Variants in ORC4 observed in about 807,000 individuals in gnomAD.
ORC4 encodes the protein origin recognition complex, subunit 4 homolog.
ORC4 carries 55 observed loss-of-function variants against 63.9 expected under a neutral mutation model. The observed-to-expected ratio is 0.86, with a 90% CI of 0.69 to 1.08. ORC4 has a LOEUF of 1.08. Among genes scored for constraint, ORC4 ranks in the 50% least tolerant of loss-of-function variants. The pLI is 0.00. For missense variants in ORC4, 511 were observed against 504.4 expected, an observed-to-expected ratio of 1.01 and a Z score of -0.13; for synonymous variants, 150 against 168.5, an observed-to-expected ratio of 0.89 and a Z score of 0.85.
chr2:147,943,379 C>A, intron 10 of ORC4, 57 bp downstream of exon 10: 1 of 1,153,060 alleles, frequency 8.7e-7, no homozygotes, highest in South Asian at 1.2e-5. Context: ...AGTGAGACCC[C>A]GTCACTATTA....
At chr2:147,960,815 G>C (rs1461703792) in intron 4 of ORC4, among the ~76,000 whole-genome samples, 1 of 152,236 alleles carries the variant, frequency 6.6e-6, no homozygotes, top group East Asian at 1.9e-4. Flanking sequence ...CCTGAGCCCA[G>C]GAGGTTGAGG....
At chr2:147,976,077 A>G (rs1690536456) in intron 1 of ORC4, 102 bp from the exon 2 acceptor site, 1 of 715,866 alleles carries the variant, frequency 1.4e-6, no homozygotes. Context: ...TTTTAAAAGT[A>G]AAAAATGCTC....
chr2:147,958,219 C>T lies in ORC4; in HGVS notation c.387+79G>A, dbSNP rs146859694. The T allele has an allele frequency of 5.5e-3, 5,021 of 910,504 alleles. 28 individuals are homozygous for T. The highest frequency in any genetic ancestry group is 9.6e-3 in the Middle Eastern group (31 of 3,214). The allele number at this position is 910,504 out of a possible 1,614,324, so 56.4% of individuals were successfully genotyped here. On this transcript the variant is annotated intron_variant, in intron 6 of 13. Coordinates refer to ENST00000392857, the MANE Select transcript of ORC4 (RefSeq NM_181741.4). ...AATTTCTGAACCTCTCCCTACCCTT[C>T]CAGAAATATAAAAATATACATGGTA...
chr2:148,003,624 G>C (rs909235931), intron 1 of ORC4, among the ~76,000 whole-genome samples: 2 of 152,074 alleles, frequency 1.3e-5, no homozygotes, highest in African/African-American at 2.4e-5. Context: ...AATAATAAGA[G>C]CTATTTATGA....
At chr2:147,988,881 C>T (rs1399083802) in intron 1 of ORC4, among the ~76,000 whole-genome samples, 5 of 151,738 alleles carry the variant, frequency 3.3e-5, no homozygotes, top group Non-Finnish European at 5.9e-5. Context: ...TGTTATAGGG[C>T]ATTTTGAAAA....
intron 8 of ORC4, among the ~76,000 whole-genome samples, chr2:147,952,048 C>A (rs1206970088): frequency 6.6e-6 from 1 of 152,190 alleles, no homozygotes; most frequent in Non-Finnish European, 1.5e-5. Flanking sequence ...AAAATAAAAA[C>A]TATTACCAAG....
chr2:148,019,297 G>T (rs1032128292), intron 1 of ORC4, among the ~76,000 whole-genome samples: 2 of 152,132 alleles, frequency 1.3e-5, no homozygotes, highest in Non-Finnish European at 2.9e-5. Context: ...TACACCTAAA[G>T]AACCTACACC....
At chr2:147,963,874 A>G (rs1689747115) in intron 4 of ORC4, among the ~76,000 whole-genome samples, 1 of 152,172 alleles carries the variant, frequency 6.6e-6, no homozygotes, top group African/African-American at 2.4e-5. Flanking sequence ...AAAACTACAC[A>G]AAGACCACAC....
At chr2:147,993,999 T>C (rs868648281) in intron 1 of ORC4, among the ~76,000 whole-genome samples, 1 of 152,162 alleles carries the variant, frequency 6.6e-6, no homozygotes, top group Non-Finnish European at 1.5e-5. Context: ...AATAAACTAC[T>C]GTAGAAAGGT....
Position 147,958,800 on chromosome 2 carries a change from G to T in ORC4, c.292C>A (p.His98Asn). Residue 98 changes from histidine to asparagine, a missense_variant, in exon 5 of 14, where the codon CAC becomes AAC. Coordinates refer to ENST00000392857, the MANE Select transcript of ORC4 (RefSeq NM_181741.4). ...EEVSENVLQV[H>N]LNGLLQINDK... ...ATAATGGCATACTTACCATTTAAGT[G>T]AACTTGTAATACATTTTCACTCACT... 1 of 1,452,678 alleles carries T rather than the reference G, an allele frequency of 6.9e-7. No homozygotes were observed. Among genetic ancestry groups the T allele is most frequent in the Non-Finnish European group, 9.7e-7 (1 of 1,034,532 alleles). 90.0% of individuals were successfully genotyped at this position (1,452,678 alleles called of 1,614,324 possible). A position where few individuals can be genotyped will look rare whatever the true frequency, so the allele number is the denominator to read the frequency against.
chr2:148,008,309 G>T (rs1260286968), intron 1 of ORC4, among the ~76,000 whole-genome samples: 1 of 152,132 alleles, frequency 6.6e-6, no homozygotes, highest in Non-Finnish European at 1.5e-5. Flanking sequence ...AACCTATATT[G>T]TTAGAAGAGT....
intron 1 of ORC4, among the ~76,000 whole-genome samples, chr2:147,989,870 A>G (rs7577025): frequency 0.47 from 70,814 of 152,006 alleles, 16,929 homozygotes; most frequent in East Asian, 0.62. Context: ...TGGTAAAATT[A>G]GTGGATGAGA....
chr2:147,970,028 C>T (rs1690121680), intron 4 of ORC4, among the ~76,000 whole-genome samples: 2 of 151,742 alleles, frequency 1.3e-5, no homozygotes, highest in African/African-American at 4.8e-5. Flanking sequence ...AGAATACAAG[C>T]AAATATAGAA....
At position 147,939,137 on chromosome 2, in the gene ORC4, C is replaced by A. The variant is rs1688224287; in HGVS notation, c.958+3G>T. ...AATTTAAAAAATAAGGCTGGGTTCT[C>A]ACCATGTACAATATTTGCTTTCGAG... On this transcript the variant is annotated splice_donor_region_variant and intron_variant, in intron 11 of 13. Coordinates refer to ENST00000392857, the MANE Select transcript of ORC4 (RefSeq NM_181741.4). The A allele has an allele frequency of 6.5e-7, 1 of 1,549,902 alleles. No homozygotes were observed. The highest frequency in any genetic ancestry group is 2.2e-5 in the East Asian group (1 of 44,534).
chr2:147,962,386 GC>G (rs909235233), intron 4 of ORC4, among the ~76,000 whole-genome samples: 13 of 152,098 alleles, frequency 8.5e-5, no homozygotes, highest in African/African-American at 3.1e-4. Context: ...AACCTGCCCT[GC>G]TGCAGCATGG....
intron 6 of ORC4, among the ~76,000 whole-genome samples, chr2:147,956,304 C>A (rs1689247081): frequency 6.6e-6 from 1 of 152,040 alleles, no homozygotes; most frequent in South Asian, 2.1e-4. Context: ...GAGGTGTTAT[C>A]CATAATTTAC....
At chr2:147,955,037 T>C (rs1689166842) in intron 7 of ORC4, among the ~76,000 whole-genome samples, 1 of 152,002 alleles carries the variant, frequency 6.6e-6, no homozygotes. Flanking sequence ...ATAAAAATGA[T>C]GATGCAGATC....
At chr2:147,963,518 C>T (rs1024562903) in intron 4 of ORC4, among the ~76,000 whole-genome samples, 13 of 152,236 alleles carry the variant, frequency 8.5e-5, no homozygotes, top group Middle Eastern at 3.4e-3. Context: ...CTAAGCCAGT[C>T]GAGGAACTGT....
chr2:147,979,631 T>G (rs546352084), intron 1 of ORC4, among the ~76,000 whole-genome samples: 1 of 151,964 alleles, frequency 6.6e-6, no homozygotes, highest in African/African-American at 2.4e-5. Context: ...AAGACAATCA[T>G]GAGCTAAAGA....
Sources: gnomAD v4.1 joint callset for allele counts (sites outside exome capture counted in the v4.1 genomes callset) on GRCh38, gnomAD v4.1.1 for gene constraint, MANE v1.5 for transcripts, NCBI Gene and HGNC (gene_info 2026-07-23, HGNC 2026-07-21) for gene names.